GALNT14: variants seen among roughly 807,000 people sequenced by gnomAD.
The protein encoded by GALNT14 is UDP-GalNAc:polypeptide N-acetylgalactosaminyltransferase 14.
In GALNT14, 60 loss-of-function variants were observed where a neutral mutation model predicts 77.5. The observed-to-expected ratio is 0.77, with a 90% confidence interval of 0.63 to 0.96. GALNT14 has a LOEUF of 0.96. Ranked by LOEUF, GALNT14 falls within the 40% of genes least tolerant of loss-of-function variation. GALNT14 has a pLI of 0.00. For missense variants in GALNT14, 710 were observed against 731.0 expected, an observed-to-expected ratio of 0.97 and a Z score of 0.33; for synonymous variants, 280 against 281.7, an observed-to-expected ratio of 0.99 and a Z score of 0.06.
chr2:31,081,667 G>T lies in GALNT14; in HGVS notation c.129+56291C>A, dbSNP rs192855059. 2.4e-3 allele frequency among the ~76,000 whole-genome samples: 363 copies of T among 152,304 alleles called. 3 individuals are homozygous for T. The highest frequency in any genetic ancestry group is 8.5e-3 in the African/African-American group (353 of 41,566). ...TAACCTAGTCACCACTCAAGACTCA[G>T]ACGTGGCTGCAAAATTGATTCAATG... On this transcript the variant is annotated intron_variant, in intron 1 of 14. Transcript: ENST00000349752.
chr2:30,950,258 G>GA (rs890430394), intron 6 of GALNT14, among the ~76,000 whole-genome samples: 20 of 148,718 alleles, frequency 1.3e-4, no homozygotes, highest in South Asian at 4.2e-4. Flanking sequence ...TAAGGAGACT[G>GA]AAAAAAAAAT....
At chr2:30,928,502 T>A (rs77955951) in intron 11 of GALNT14, among the ~76,000 whole-genome samples, 1 of 152,146 alleles carries the variant, frequency 6.6e-6, no homozygotes, top group Non-Finnish European at 1.5e-5. Context: ...TGTAGAAGCC[T>A]CAGTCTCCTC....
At chr2:30,980,723 T>C (rs1668937689) in intron 2 of GALNT14, among the ~76,000 whole-genome samples, 1 of 152,210 alleles carries the variant, frequency 6.6e-6, no homozygotes, top group African/African-American at 2.4e-5. Context: ...AATGACCTCT[T>C]CACCCAAAGG....
At chr2:31,013,164 A>G (rs1156302405) in intron 1 of GALNT14, among the ~76,000 whole-genome samples, 1 of 152,222 alleles carries the variant, frequency 6.6e-6, no homozygotes, top group Non-Finnish European at 1.5e-5. Context: ...CAACTACAGG[A>G]GAGAATAAAA....
intron 1 of GALNT14, among the ~76,000 whole-genome samples, chr2:31,114,272 T>TG (rs1247478486): frequency 7.1e-5 from 10 of 140,254 alleles, no homozygotes; most frequent in African/African-American, 2.4e-4. Context: ...CTGCAACAAG[T>TG]GGGAAAAAAA....
chr2:30,903,585 C>G, the GALNT14 span, among the ~76,000 whole-genome samples: 1 of 152,232 alleles, frequency 6.6e-6, no homozygotes, highest in Non-Finnish European at 1.5e-5. Flanking sequence ...CTGCCAACAA[C>G]TGCTGAGTGA....
chr2:30,966,382 G>A (rs1053856883), intron 2 of GALNT14, 80 bp from the exon 3 acceptor site: 5 of 1,014,510 alleles, frequency 4.9e-6, no homozygotes, highest in African/African-American at 3.1e-5. Flanking sequence ...GGGCATCTGG[G>A]TGGGCATCCC....
intron 1 of GALNT14, among the ~76,000 whole-genome samples, chr2:31,009,276 C>T (rs1488328053): frequency 6.6e-6 from 1 of 151,930 alleles, no homozygotes; most frequent in East Asian, 1.9e-4. Context: ...CATTCATCTT[C>T]CTTGGCCCTT....
At chr2:30,996,865 G>A (rs1670067586) in intron 1 of GALNT14, among the ~76,000 whole-genome samples, 1 of 152,192 alleles carries the variant, frequency 6.6e-6, no homozygotes, top group Admixed American at 6.5e-5. Context: ...GACCCCCTGA[G>A]GGGGAACAGC....
intron 1 of GALNT14, chr2:31,129,552 C>T: frequency 2.0e-6 from 2 of 985,394 alleles, no homozygotes; most frequent in Middle Eastern, 1.0e-3. Context: ...AATCCACAGA[C>T]CACGTGGCCT....
intron 1 of GALNT14, among the ~76,000 whole-genome samples, chr2:31,012,020 G>A (rs954327835): frequency 2.0e-5 from 3 of 152,170 alleles, no homozygotes; most frequent in African/African-American, 7.2e-5. Flanking sequence ...GGTGGGGAAC[G>A]CCAGTCTGCT....
intron 1 of GALNT14, among the ~76,000 whole-genome samples, chr2:31,107,514 T>C (rs1208300576): frequency 6.6e-6 from 1 of 152,196 alleles, no homozygotes; most frequent in African/African-American, 2.4e-5. Context: ...TATTGTTCTC[T>C]TTGCTGTTGT....
At chr2:31,035,017 T>G (rs139988095) in intron 1 of GALNT14, among the ~76,000 whole-genome samples, 64 of 152,346 alleles carry the variant, frequency 4.2e-4, no homozygotes, top group African/African-American at 1.4e-3. Context: ...GTCTAACATA[T>G]GGCCTATCCT....
intron 1 of GALNT14, among the ~76,000 whole-genome samples, chr2:31,131,073 T>C (rs1678969439): frequency 6.6e-6 from 1 of 152,108 alleles, no homozygotes; most frequent in African/African-American, 2.4e-5. Flanking sequence ...AGTGAGCTGC[T>C]CCCATTTCAC....
intron 1 of GALNT14, among the ~76,000 whole-genome samples, chr2:31,043,252 C>A (rs1283320841): frequency 6.6e-6 from 1 of 152,218 alleles, no homozygotes; most frequent in African/African-American, 2.4e-5. Flanking sequence ...ATGCTGTAGC[C>A]TGCTCCTGCC....
rs536922599 is a variant in GALNT14, at chr2:30,951,197, T to G, written c.654+4421A>C. Among the ~76,000 whole-genome samples the G allele has an allele frequency of 3.9e-5, 6 of 152,314 alleles. No homozygotes were observed. The South Asian group carries it at 1.2e-3, about 32-fold the overall frequency. On this transcript the variant is annotated intron_variant, in intron 6 of 14. Coordinates refer to ENST00000349752, the MANE Select transcript of GALNT14 (RefSeq NM_024572.4). ...AATGGTTGGATGGATAAACAAAATG[T>G]GGTATACACATGCCATGGAATAGTA...
chr2:30,929,124 G>A (rs1370584051), intron 11 of GALNT14, among the ~76,000 whole-genome samples: 1 of 152,186 alleles, frequency 6.6e-6, no homozygotes, highest in African/African-American at 2.4e-5. Context: ...GCAAAAAGCA[G>A]GAAATATTGG....
At chr2:30,908,272 T>C (rs1328052487), downstream of GALNT14, among the ~76,000 whole-genome samples, 3 of 152,176 alleles carry the variant, frequency 2.0e-5, no homozygotes, top group Admixed American at 2.0e-4. Context: ...AGTCAAATTG[T>C]CCCTGTTTGC....
chr2:30,971,182 G>T (rs1668331160), intron 2 of GALNT14, among the ~76,000 whole-genome samples: 1 of 152,142 alleles, frequency 6.6e-6, no homozygotes, highest in Non-Finnish European at 1.5e-5. Context: ...AGACAGTAGG[G>T]TTTCTGTGGG....
Sources: allele counts gnomAD v4.1 joint callset (sites outside exome capture counted in the v4.1 genomes callset), GRCh38; gene constraint gnomAD v4.1.1; transcripts MANE v1.5; gene names NCBI Gene and HGNC (gene_info 2026-07-23, HGNC 2026-07-21).